Variants in TMEM135 observed in about 807,000 individuals in gnomAD.
TMEM135 encodes peroxisomal membrane protein 52.
Under a neutral mutation model 60.3 loss-of-function variants are expected in TMEM135, and 30 were observed. That is an observed-to-expected ratio of 0.50 (90% CI 0.37 to 0.68). TMEM135 has a LOEUF of 0.68. Ranked by LOEUF, TMEM135 falls within the 30% of genes least tolerant of loss-of-function variation. The probability of loss-of-function intolerance (pLI) is 0.00; values close to 1 mark genes in which losing one functional copy is unlikely to be tolerated. For synonymous variants in TMEM135, 190 were observed against 186.7 expected, an observed-to-expected ratio of 1.02 and a Z score of -0.14; for missense variants, 468 against 548.8, an observed-to-expected ratio of 0.85 and a Z score of 1.47.
At chr11:87,264,891 T>G (rs1380805269) in intron 6 of TMEM135, among the ~76,000 whole-genome samples, 1 of 151,930 alleles carries the variant, frequency 6.6e-6, no homozygotes, top group Non-Finnish European at 1.5e-5. Context: ...TGTGTGTTAT[T>G]TTAAAGCTGT....
chr11:87,137,512 C>A lies in TMEM135; in HGVS notation c.397-19829C>A, dbSNP rs372573027. Reference sequence around the variant, plus strand: ...TGAAATGTCAAATTTAGATATAATTCTTTATTCCTCACTCTCAAATTTGAA... The same window carrying A: ...TGAAATGTCAAATTTAGATATAATTATTTATTCCTCACTCTCAAATTTGAA... On this transcript the variant is annotated intron_variant, in intron 4 of 14. Transcript: ENST00000305494. 5.3e-4 allele frequency among the ~76,000 whole-genome samples: 81 copies of A among 152,132 alleles called. No homozygotes were observed. In the Middle Eastern group the frequency reaches 0.01, roughly 19 times the overall value.
At chr11:87,201,245 G>A (rs192770850) in intron 5 of TMEM135, among the ~76,000 whole-genome samples, 3 of 152,262 alleles carry the variant, frequency 2.0e-5, no homozygotes, top group African/African-American at 7.2e-5. Flanking sequence ...GAAGGAATAT[G>A]TAAAACATAC....
At chr11:87,150,138 A>T (rs1339202160) in intron 4 of TMEM135, among the ~76,000 whole-genome samples, 1 of 149,436 alleles carries the variant, frequency 6.7e-6, no homozygotes, top group African/African-American at 2.5e-5. Flanking sequence ...AATCGCTTGT[A>T]CCTGGGAGGT....
intron 2 of TMEM135, among the ~76,000 whole-genome samples, chr11:87,070,201 ATATC>A (rs1371716677): frequency 6.6e-6 from 1 of 151,970 alleles, no homozygotes; most frequent in Non-Finnish European, 1.5e-5. Context: ...ATTCTTATAT[ATATC>A]TATCTATATA....
chr11:87,153,095 C>T (rs1938599617), intron 4 of TMEM135, among the ~76,000 whole-genome samples: 1 of 152,048 alleles, frequency 6.6e-6, no homozygotes, highest in South Asian at 2.1e-4. Context: ...TTTATAAATT[C>T]TTAAAATTTA....
Position 87,247,679 on chromosome 11 carries a change from C to T in TMEM135, c.509+10995C>T, listed in dbSNP as rs113883264. ...CGAGCCAGGTGTGGGATATAATCTC[C>T]TGGTGCGCCGTTTTTTAAGCCTGTC... On this transcript the variant is annotated intron_variant, in intron 6 of 14. Transcript: ENST00000305494. 6.2e-4 allele frequency among the ~76,000 whole-genome samples: 95 copies of T among 152,316 alleles called. 2 individuals are homozygous for T. Among genetic ancestry groups the T allele is most frequent in the African/African-American group, 2.3e-3 (94 of 41,574 alleles).
At chr11:87,224,229 T>G (rs941488615) in intron 5 of TMEM135, among the ~76,000 whole-genome samples, 2 of 152,338 alleles carry the variant, frequency 1.3e-5, no homozygotes, top group Non-Finnish European at 2.9e-5. Context: ...TGTATTGGGA[T>G]TAAACTGGCT....
intron 6 of TMEM135, among the ~76,000 whole-genome samples, chr11:87,258,530 T>C (rs1261759574): frequency 1.3e-5 from 2 of 152,192 alleles, no homozygotes; most frequent in African/African-American, 4.8e-5. Context: ...CCCACTGGTG[T>C]CAGTTCCTAC....
Position 87,320,380 on chromosome 11 carries a change from A to AT in TMEM135, c.1245-815dup, listed in dbSNP as rs1565171126. On this transcript the variant is annotated intron_variant, in intron 14 of 14. Transcript: ENST00000305494. The stretch of plus-strand genomic sequence containing the variant: ...TCCTTTACATTGTTATTGTTTAATC[A>AT]TTTTTTGTCATTTAGTTTTCTGCAC... Among the ~76,000 whole-genome samples the AT allele has an allele frequency of 2.6e-5, 4 of 152,094 alleles. No homozygotes were observed. In the South Asian group the frequency reaches 6.2e-4, roughly 24 times the overall value.
intron 10 of TMEM135, 115 bp from the exon 11 acceptor site, chr11:87,313,310 C>A: frequency 1.3e-6 from 1 of 782,842 alleles, no homozygotes; most frequent in Non-Finnish European, 2.2e-6. Flanking sequence ...TAGATGAGAT[C>A]ACTAATTGGC....
chr11:87,043,130 T>G (rs1351312749), intron 1 of TMEM135, among the ~76,000 whole-genome samples: 2 of 151,612 alleles, frequency 1.3e-5, no homozygotes, highest in African/African-American at 2.4e-5. Flanking sequence ...TAATTTTGTA[T>G]TTTTAGTAGA....
chr11:87,150,927 C>A (rs1246541592), intron 4 of TMEM135, among the ~76,000 whole-genome samples: 1 of 152,052 alleles, frequency 6.6e-6, no homozygotes, highest in Non-Finnish European at 1.5e-5. Context: ...TCTTGCAAAT[C>A]TGGAAATATT....
In TMEM135 at chr11:87,038,183, C is replaced by T; in HGVS notation, c.138C>T (p.Tyr46=). The change falls in exon 1 of 15, where the codon TAC becomes TAT. Residue 46 remains tyrosine (Y), a synonymous_variant. Coordinates refer to ENST00000305494, the MANE Select transcript of TMEM135 (RefSeq NM_022918.4). ...CCCTGAAGATCTATGCTCCTCTGTA[C>T]TTGGTGAGACCCGTCACCCGTCCCG... ...EESLKIYAPL[Y]LIAAILRKRK... 1 of 1,614,052 alleles carries T rather than the reference C, an allele frequency of 6.2e-7. No individual in the cohort carries two copies. Among genetic ancestry groups the T allele is most frequent in the Non-Finnish European group, 8.5e-7 (1 of 1,179,996 alleles).
chr11:87,295,275 C>T (rs1484115771), intron 6 of TMEM135, among the ~76,000 whole-genome samples: 3 of 152,190 alleles, frequency 2.0e-5, no homozygotes, highest in Admixed American at 2.0e-4. Flanking sequence ...TCTAATTGGG[C>T]TTAATCAGAA....
chr11:87,314,799 A>C (rs1942698895), intron 12 of TMEM135, among the ~76,000 whole-genome samples: 1 of 151,816 alleles, frequency 6.6e-6, no homozygotes, highest in African/African-American at 2.4e-5. Flanking sequence ...GTATTTGGCC[A>C]GTCTCCTTTC....
At chr11:87,251,066 T>C (rs1941406437) in intron 6 of TMEM135, among the ~76,000 whole-genome samples, 1 of 152,102 alleles carries the variant, frequency 6.6e-6, no homozygotes, top group African/African-American at 2.4e-5. Flanking sequence ...AGGAAAAATG[T>C]GTGAAAATTG....
chr11:87,289,255 CA>C (rs773641024), intron 6 of TMEM135, among the ~76,000 whole-genome samples: 4 of 151,934 alleles, frequency 2.6e-5, no homozygotes, highest in Non-Finnish European at 5.9e-5. Context: ...GGGTAATTGG[CA>C]TATCTGTAAT....
rs531564324 is a variant in TMEM135 at position 87,053,178 on chromosome 11, G to C, written c.142-14516G>C. On this transcript the variant is annotated intron_variant, in intron 1 of 14. Transcript: ENST00000305494. ...GGGGACTGTGGTGGGGTCGGGGGAG[G>C]GGGGAGGGATAGCAAAAAAAAAAAA... Among the ~76,000 whole-genome samples, 412 of 92,302 alleles carry C rather than the reference G, an allele frequency of 4.5e-3. 2 individuals carry two copies. The highest frequency in any genetic ancestry group is 6.9e-3 in the South Asian group (13 of 1,888). 60.6% of individuals were successfully genotyped at this position (92,302 alleles called of 152,430 possible).
chr11:87,284,092 T>C (rs1942119061), intron 6 of TMEM135, among the ~76,000 whole-genome samples: 1 of 150,286 alleles, frequency 6.7e-6, no homozygotes, highest in Non-Finnish European at 1.5e-5. Context: ...AAATTTTTCC[T>C]TGGATTTACA....
Sources: allele counts gnomAD v4.1 joint callset (sites outside exome capture counted in the v4.1 genomes callset), GRCh38; gene constraint gnomAD v4.1.1; transcripts MANE v1.5; gene names NCBI Gene and HGNC (gene_info 2026-07-23, HGNC 2026-07-21).